CDH20: variants seen among roughly 807,000 people sequenced by gnomAD.
CDH20 encodes cadherin-20.
In CDH20, 29 loss-of-function variants were observed where a neutral mutation model predicts 74.2. That is an observed-to-expected ratio of 0.39 (90% CI 0.29 to 0.53). The LOEUF (loss-of-function observed/expected upper bound fraction) is 0.53, where lower values mean the gene tolerates loss of function less well. Among genes scored for constraint, CDH20 ranks in the 20% least tolerant of loss-of-function variants. CDH20 has a pLI of 0.69. For missense variants in CDH20, 988 were observed against 1,048.3 expected, an observed-to-expected ratio of 0.94 and a Z score of 0.79; for synonymous variants, 469 against 405.4, an observed-to-expected ratio of 1.16 and a Z score of -1.88.
intron 4 of CDH20, among the ~76,000 whole-genome samples, chr18:61,501,804 C>G (rs1911392613): frequency 6.6e-6 from 1 of 151,880 alleles, no homozygotes; most frequent in South Asian, 2.1e-4. Context: ...GAAGGGTGCC[C>G]ACAGGGAGGA....
intron 6 of CDH20, among the ~76,000 whole-genome samples, chr18:61,517,420 G>A (rs753632017): frequency 9.2e-5 from 14 of 152,172 alleles, no homozygotes; most frequent in Admixed American, 2.6e-4. Context: ...TAGATAGTGG[G>A]TGCAGCCCAG....
chr18:61,549,821 T>C, intron 10 of CDH20, 157 bp from the exon 11 acceptor site: 1 of 721,290 alleles, frequency 1.4e-6, no homozygotes. Flanking sequence ...TGAATCCAAA[T>C]GCTGATCCAG....
At chr18:61,531,610 T>C (rs1265430914) in intron 7 of CDH20, among the ~76,000 whole-genome samples, 4 of 152,218 alleles carry the variant, frequency 2.6e-5, no homozygotes, top group Admixed American at 6.5e-5. Context: ...TTTTCTTTAT[T>C]AAAAAGGCAA....
chr18:61,527,743 G>A (rs1383681241), intron 6 of CDH20, among the ~76,000 whole-genome samples: 4 of 152,174 alleles, frequency 2.6e-5, no homozygotes, highest in Admixed American at 2.6e-4. Flanking sequence ...TCTCTGCAGT[G>A]ACTGATATCT....
chr18:61,399,517 A>C (rs953920934), intron 1 of CDH20, among the ~76,000 whole-genome samples: 3 of 152,126 alleles, frequency 2.0e-5, no homozygotes, highest in Non-Finnish European at 4.4e-5. Context: ...TGTTTTGTTC[A>C]GCTCACTGGA....
At chr18:61,437,844 T>TC (rs1289105472) in intron 1 of CDH20, among the ~76,000 whole-genome samples, 3 of 151,160 alleles carry the variant, frequency 2.0e-5, no homozygotes, top group African/African-American at 7.3e-5. Flanking sequence ...TTCTACTCTT[T>TC]CCCCCATGTG....
chr18:61,467,356 T>G (rs1467708918), intron 1 of CDH20, among the ~76,000 whole-genome samples: 3 of 152,130 alleles, frequency 2.0e-5, no homozygotes, highest in Non-Finnish European at 2.9e-5. Flanking sequence ...AAGAAACATA[T>G]TTATGGTGTT....
At chr18:61,551,765 T>A (rs758372534) in intron 11 of CDH20, among the ~76,000 whole-genome samples, 2 of 152,186 alleles carry the variant, frequency 1.3e-5, no homozygotes, top group Non-Finnish European at 2.9e-5. Context: ...AAGAAACTTG[T>A]TCCTGGGAGG....
intron 9 of CDH20, among the ~76,000 whole-genome samples, chr18:61,541,978 A>G (rs1054084195): frequency 5.3e-5 from 8 of 152,178 alleles, no homozygotes; most frequent in African/African-American, 1.2e-4. Flanking sequence ...AGCGATTTGT[A>G]TCTTCACTCA....
chr18:61,351,855 A>G (rs1243369151), intron 1 of CDH20, among the ~76,000 whole-genome samples: 2 of 152,124 alleles, frequency 1.3e-5, no homozygotes, highest in African/African-American at 4.8e-5. Context: ...TTCCTGTCAC[A>G]TGGTAGATTC....
chr18:61,541,394 A>G (rs949732961), intron 9 of CDH20, among the ~76,000 whole-genome samples: 3 of 152,124 alleles, frequency 2.0e-5, no homozygotes, highest in Admixed American at 2.0e-4. Context: ...TAAGTAGCAG[A>G]GTAAATTAAA....
intron 1 of CDH20, among the ~76,000 whole-genome samples, chr18:61,469,403 A>ACC (rs3221745): frequency 5.0e-4 from 72 of 145,394 alleles, no homozygotes; most frequent in East Asian, 1.0e-3. Flanking sequence ...ACACACACAC[A>ACC]CCCCTATATA....
chr18:61,500,316 C>G (rs1310674985), intron 3 of CDH20, 67 bp from the exon 4 acceptor site: 13 of 1,516,658 alleles, frequency 8.6e-6, no homozygotes, highest in Non-Finnish European at 1.2e-5. Context: ...TAAGATGGAC[C>G]GCTCAGGATT....
intron 1 of CDH20, among the ~76,000 whole-genome samples, chr18:61,412,022 T>G (rs114523691): frequency 0.025 from 3,759 of 151,668 alleles, 173 homozygotes; most frequent in African/African-American, 0.086. Flanking sequence ...TTAAAAATAA[T>G]TTTAAAAAGT....
chr18:61,358,231 C>T (rs1295821854), intron 1 of CDH20, among the ~76,000 whole-genome samples: 2 of 151,524 alleles, frequency 1.3e-5, no homozygotes, highest in African/African-American at 4.8e-5. Flanking sequence ...TCTCCTGCCT[C>T]AGCCTCCCGA....
intron 1 of CDH20, among the ~76,000 whole-genome samples, chr18:61,436,814 C>CA (rs1250915895): frequency 3.3e-5 from 5 of 152,046 alleles, no homozygotes; most frequent in African/African-American, 1.2e-4. Flanking sequence ...TCCTGTTCTG[C>CA]ATTGAGTCTG....
chr18:61,506,228 A>G (rs1599133005), intron 5 of CDH20, among the ~76,000 whole-genome samples: 3 of 152,342 alleles, frequency 2.0e-5, no homozygotes, highest in Admixed American at 2.0e-4. Flanking sequence ...TGTTTTTCCC[A>G]AAAGTTCTGC....
intron 6 of CDH20, among the ~76,000 whole-genome samples, chr18:61,516,897 G>A (rs938082594): frequency 6.6e-6 from 1 of 151,986 alleles, no homozygotes; most frequent in African/African-American, 2.4e-5. Flanking sequence ...ACAATTGAGG[G>A]CAATGTTTTG....
intron 1 of CDH20, among the ~76,000 whole-genome samples, chr18:61,414,427 A>C (rs1281740539): frequency 6.6e-6 from 1 of 152,188 alleles, no homozygotes; most frequent in Non-Finnish European, 1.5e-5. Context: ...AAAGAACTAA[A>C]GGAATTAGGG....
Sources: allele counts gnomAD v4.1 joint callset (sites outside exome capture counted in the v4.1 genomes callset), GRCh38; gene constraint gnomAD v4.1.1; transcripts MANE v1.5; gene names NCBI Gene and HGNC (gene_info 2026-07-23, HGNC 2026-07-21).